The following RARB variants were observed in gnomAD, a reference collection of about 807,000 sequenced individuals.
RARB encodes the protein retinoic acid receptor beta, also known as HBV-activated protein.
RARB carries 17 observed loss-of-function variants against 51.9 expected under a neutral mutation model. The observed-to-expected ratio is 0.33, with a 90% CI of 0.22 to 0.49. RARB has a LOEUF of 0.49. Ranked by LOEUF, RARB falls within the 20% of genes least tolerant of loss-of-function variation. The pLI is 0.99. For synonymous variants in RARB, 215 were observed against 195.4 expected (o/e 1.10, Z -0.84); for missense variants, 369 against 550.8 (o/e 0.67, Z 3.30).
intron 2 of RARB, among the ~76,000 whole-genome samples, chr3:25,023,940 G>A (rs1427832010): frequency 1.3e-5 from 2 of 152,148 alleles, no homozygotes; most frequent in East Asian, 1.9e-4. Context: ...TGATATCATA[G>A]TCTGAGTCTT....
chr3:25,573,138 T>A (rs892001077), intron 4 of RARB, among the ~76,000 whole-genome samples: 1 of 152,132 alleles, frequency 6.6e-6, no homozygotes, highest in East Asian at 1.9e-4. Context: ...CCCAACTAGA[T>A]CGAGCTCTGA....
intron 2 of RARB, among the ~76,000 whole-genome samples, chr3:25,053,306 G>A (rs1006611642): frequency 6.6e-6 from 1 of 152,060 alleles, no homozygotes; most frequent in Non-Finnish European, 1.5e-5. Context: ...CCTCTGCCTT[G>A]TATCATACAT....
intron 5 of RARB, among the ~76,000 whole-genome samples, chr3:25,343,674 T>C (rs1475004201): frequency 1.3e-5 from 2 of 152,184 alleles, no homozygotes; most frequent in Non-Finnish European, 2.9e-5. Flanking sequence ...CACTAATGTA[T>C]GTTGTATCTT....
chr3:24,941,637 G>A (rs1265612924), intron 2 of RARB, among the ~76,000 whole-genome samples: 2 of 152,032 alleles, frequency 1.3e-5, no homozygotes, highest in Non-Finnish European at 2.9e-5. Flanking sequence ...CAAAGTTGCT[G>A]GGATTACAGG....
intron 5 of RARB, among the ~76,000 whole-genome samples, chr3:25,365,101 G>A (rs1706071943): frequency 6.6e-6 from 1 of 151,120 alleles, no homozygotes; most frequent in South Asian, 2.1e-4. Context: ...AAATGTGGCA[G>A]TACAGAAAAT....
chr3:25,106,444 G>GTTAT (rs1699501672), intron 3 of RARB, among the ~76,000 whole-genome samples: 2 of 66,956 alleles, frequency 3.0e-5, no homozygotes, highest in Non-Finnish European at 5.7e-5. Flanking sequence ...CCCAGCTACT[G>GTTAT]TTTTTTGTTT....
chr3:25,153,301 CTT>C (rs2125342490), intron 4 of RARB, among the ~76,000 whole-genome samples: 1 of 152,278 alleles, frequency 6.6e-6, no homozygotes, highest in African/African-American at 2.4e-5. Context: ...CATCCGCAGA[CTT>C]TTAACAAGCA....
chr3:25,025,945 A>G (rs1190180787), intron 2 of RARB, among the ~76,000 whole-genome samples: 1 of 152,216 alleles, frequency 6.6e-6, no homozygotes, highest in Non-Finnish European at 1.5e-5. Flanking sequence ...AAAATGCTCA[A>G]ATATCAATAA....
chr3:24,863,570 A>G (rs545639452), intron 2 of RARB, among the ~76,000 whole-genome samples: 4 of 152,278 alleles, frequency 2.6e-5, no homozygotes, highest in Admixed American at 2.6e-4. Flanking sequence ...AGCATCAAGA[A>G]GTGAATGCCA....
At chr3:25,318,153 T>C (rs1264710417) in intron 5 of RARB, among the ~76,000 whole-genome samples, 2 of 152,210 alleles carry the variant, frequency 1.3e-5, no homozygotes, top group Non-Finnish European at 2.9e-5. Flanking sequence ...AGGTCTGCCA[T>C]TTCTTTTTCT....
At chr3:25,213,100 A>G (rs949315982) in intron 5 of RARB, among the ~76,000 whole-genome samples, 4 of 152,120 alleles carry the variant, frequency 2.6e-5, no homozygotes, top group South Asian at 2.1e-4. Context: ...GAAGCATGCC[A>G]TCCATATAAG....
In RARB at chr3:25,597,715, G is replaced by GGTAGA. The variant is rs1480599913; in HGVS notation, c.*1102_*1106dup. ...CACTATGAAGCAGAGTGAAAGCTGT[G>GGTAGA]GTAGAGTGGTTAACAGATACAAGTG... On this transcript the variant is annotated 3_prime_UTR_variant, in exon 8 of 8. Transcript: ENST00000330688. 1 of 152,460 alleles carries GGTAGA rather than the reference G, an allele frequency of 6.6e-6. No individual in the cohort carries two copies. Among genetic ancestry groups the GGTAGA allele is most frequent in the Non-Finnish European group, 1.5e-5 (1 of 68,010 alleles). 9.4% of individuals were successfully genotyped at this position (152,460 alleles called of 1,614,324 possible). A position where few individuals can be genotyped will look rare whatever the true frequency, so the allele number is the denominator to read the frequency against.
At chr3:25,144,158 A>C (rs577692399) in intron 4 of RARB, among the ~76,000 whole-genome samples, 1 of 152,198 alleles carries the variant, frequency 6.6e-6, no homozygotes, top group Non-Finnish European at 1.5e-5. Flanking sequence ...TTCCAGCCTC[A>C]AGGATTGTAC....
At chr3:25,019,156 C>T (rs1697575681) in intron 2 of RARB, among the ~76,000 whole-genome samples, 1 of 152,184 alleles carries the variant, frequency 6.6e-6, no homozygotes, top group Non-Finnish European at 1.5e-5. Context: ...TTGAACACTT[C>T]ACCATAGCAT....
chr3:25,068,924 T>A (rs7619139), intron 3 of RARB, among the ~76,000 whole-genome samples: 81,844 of 151,276 alleles, frequency 0.54, 22,744 homozygotes, highest in East Asian at 0.62. Context: ...ATAAACTTTA[T>A]GAAAAAGGCT....
chr3:25,375,403 G>A (rs1191581446), intron 5 of RARB, among the ~76,000 whole-genome samples: 1 of 152,182 alleles, frequency 6.6e-6, no homozygotes. Flanking sequence ...CTGTATTGGT[G>A]CTACTGTTGT....
intron 3 of RARB, among the ~76,000 whole-genome samples, chr3:25,525,240 G>A (rs1698598419): frequency 6.6e-6 from 1 of 152,176 alleles, no homozygotes; most frequent in Admixed American, 6.5e-5. Flanking sequence ...AGAATGCTAG[G>A]TTATCCTGTT....
At chr3:25,235,993 C>T (rs1418209874) in intron 5 of RARB, among the ~76,000 whole-genome samples, 1 of 152,042 alleles carries the variant, frequency 6.6e-6, no homozygotes, top group African/African-American at 2.4e-5. Context: ...AGATTTTAAA[C>T]CTCAAGTCTA....
At chr3:25,234,885 C>A (rs1702267413) in intron 5 of RARB, among the ~76,000 whole-genome samples, 1 of 152,092 alleles carries the variant, frequency 6.6e-6, no homozygotes. Flanking sequence ...GGGGTTTTAC[C>A]TACCCATGCT....
Sources: allele counts gnomAD v4.1 joint callset (sites outside exome capture counted in the v4.1 genomes callset), GRCh38; gene constraint gnomAD v4.1.1; transcripts MANE v1.5; gene names NCBI Gene and HGNC (gene_info 2026-07-23, HGNC 2026-07-21).